Variants in CAMTA1 observed in about 807,000 individuals in gnomAD.
The protein encoded by CAMTA1 is calmodulin-binding transcription activator 1.
CAMTA1 carries 27 observed loss-of-function variants against 170.9 expected under a neutral mutation model. That is an observed-to-expected ratio of 0.16 (90% CI 0.12 to 0.22). The LOEUF is 0.22. CAMTA1 is among the 10% of genes least tolerant of loss of function. The probability of loss-of-function intolerance (pLI) is 1.00; values close to 1 mark genes in which losing one functional copy is unlikely to be tolerated. For missense variants in CAMTA1, 1,619 were observed against 2,217.2 expected (o/e 0.73, Z 5.42); for synonymous variants, 833 against 891.5 (o/e 0.93, Z 1.17).
chr1:7,575,171 G>C (rs1226813528), intron 6 of CAMTA1, among the ~76,000 whole-genome samples: 1 of 152,188 alleles, frequency 6.6e-6, no homozygotes, highest in Non-Finnish European at 1.5e-5. Flanking sequence ...GTACTCAATA[G>C]ATGTCAGCTG....
At chr1:7,754,970 A>G (rs2096921254) in intron 21 of CAMTA1, among the ~76,000 whole-genome samples, 1 of 152,124 alleles carries the variant, frequency 6.6e-6, no homozygotes. Context: ...GAGTTATTTA[A>G]TGTTATTTTA....
intron 6 of CAMTA1, among the ~76,000 whole-genome samples, chr1:7,628,507 C>T (rs1558024464): frequency 6.6e-6 from 1 of 152,226 alleles, no homozygotes; most frequent in East Asian, 1.9e-4. Context: ...AGCCACGTGG[C>T]CGTGAGCAGA....
chr1:6,788,871 G>T (rs868257886), intron 1 of CAMTA1, among the ~76,000 whole-genome samples: 1 of 152,184 alleles, frequency 6.6e-6, no homozygotes, highest in Non-Finnish European at 1.5e-5. Context: ...CGCCACAGAT[G>T]ATTGGAAATT....
rs946866610 is a variant in CAMTA1, at chr1:7,534,364, C to T, written c.510+66463C>T. Among the ~76,000 whole-genome samples the T allele has an allele frequency of 6.6e-6, 1 of 152,206 alleles. No homozygotes were observed. The highest frequency in any genetic ancestry group is 1.5e-5 in the Non-Finnish European group (1 of 68,036). ...TCTAGAAAGGGAGGAATTAAATCTT[C>T]CTGACACCCCGGGGCCACACGGGGA... On this transcript the variant is annotated intron_variant, in intron 6 of 22. Transcript: ENST00000303635. This position sits in a 1 kb window ranked among gnomAD's most constrained non-coding sequence, Gnocchi z 5.6.
intron 3 of CAMTA1, among the ~76,000 whole-genome samples, chr1:6,924,721 T>C (rs1682744732): frequency 6.6e-6 from 1 of 152,228 alleles, no homozygotes. Context: ...TTATAAACTT[T>C]AAAAAATGCG....
chr1:7,542,838 AGTGTGTGTGTGTGTGTGT>A (rs373719721), intron 6 of CAMTA1, among the ~76,000 whole-genome samples: 1 of 56,002 alleles, frequency 1.8e-5, no homozygotes, highest in Non-Finnish European at 4.0e-5. Flanking sequence ...CCTAAAACAC[AGTGTGTGTGTGTGTGTGT>A]GTGTGTGTGT....
intron 1 of CAMTA1, among the ~76,000 whole-genome samples, chr1:6,812,869 T>C (rs1645346395): frequency 6.6e-6 from 1 of 152,246 alleles, no homozygotes; most frequent in Admixed American, 6.5e-5. Flanking sequence ...TGTTTTGTAG[T>C]CTGTTCCAGC....
intron 10 of CAMTA1, among the ~76,000 whole-genome samples, chr1:7,676,063 C>T (rs894561868): frequency 7.9e-5 from 12 of 152,230 alleles, no homozygotes; most frequent in African/African-American, 2.9e-4. Context: ...CCAAGGCTGG[C>T]CCAAGGAGGC....
At chr1:7,247,165 T>C (rs1279139061) in intron 4 of CAMTA1, among the ~76,000 whole-genome samples, 1 of 152,230 alleles carries the variant, frequency 6.6e-6, no homozygotes, top group African/African-American at 2.4e-5. Context: ...AAAATGATGA[T>C]TCCATTTATT....
chr1:7,692,228 C>G (rs1294737251), intron 11 of CAMTA1, among the ~76,000 whole-genome samples: 1 of 152,194 alleles, frequency 6.6e-6, no homozygotes, highest in African/African-American at 2.4e-5. Context: ...CCTCTGCTAC[C>G]TCTTTATTGA....
intron 5 of CAMTA1, among the ~76,000 whole-genome samples, chr1:7,274,459 G>A (rs923209146): frequency 6.6e-6 from 1 of 152,194 alleles, no homozygotes; most frequent in South Asian, 2.1e-4. Flanking sequence ...ACATGCCAAA[G>A]TGACAGAATT....
chr1:6,785,616 G>A lies in CAMTA1; in HGVS notation c.45+41G>A, dbSNP rs924372573. 3.6e-5 allele frequency: 36 copies of A among 994,722 alleles called. 1 individual carries two copies. In the Admixed American group the frequency reaches 2.0e-3, roughly 56 times the overall value. 61.6% of individuals were successfully genotyped at this position (994,722 alleles called of 1,614,324 possible). The stretch of plus-strand genomic sequence containing the variant: ...CGAGGGGCTGGGGGGCGGCGCGGCG[G>A]GCGGCGGGACCCGGCCCCGCCGGAC... On this transcript the variant is annotated intron_variant, in intron 1 of 22. Coordinates refer to ENST00000303635, the MANE Select transcript of CAMTA1 (RefSeq NM_015215.4).
chr1:7,665,369 G>A lies in CAMTA1; in HGVS notation c.2652+170G>A, dbSNP rs1425231165. Reference sequence around the variant, plus strand: ...GTCCCCACGGCGCTTGAACACCTCCGTCTTTCACGCAGTGGTTCTCAAACT... The same window carrying A: ...GTCCCCACGGCGCTTGAACACCTCCATCTTTCACGCAGTGGTTCTCAAACT... On this transcript the variant is annotated intron_variant, in intron 9 of 22. Transcript: ENST00000303635. This position sits in a 1 kb window ranked among gnomAD's most constrained non-coding sequence, Gnocchi z 4.3. Among the ~76,000 whole-genome samples the A allele has an allele frequency of 6.6e-6, 1 of 152,170 alleles. No individual in the cohort carries two copies. Among genetic ancestry groups the A allele is most frequent in the African/African-American group, 2.4e-5 (1 of 41,434 alleles).
chr1:6,958,883 T>G (rs1315834667), intron 3 of CAMTA1, among the ~76,000 whole-genome samples: 3 of 152,210 alleles, frequency 2.0e-5, no homozygotes, highest in South Asian at 2.1e-4. Context: ...CAGTTATTAG[T>G]ATTCACGAAA....
intron 5 of CAMTA1, chr1:7,382,830 T>TGATAGATAGATTA (rs1553152160): frequency 1.3e-5 from 2 of 149,186 alleles, no homozygotes; most frequent in Non-Finnish European, 3.0e-5. Context: ...GCTTCCTAGA[T>TGATAGATAGATTA]GATAGATAGA....
chr1:7,683,624 C>T (rs1415788986), intron 11 of CAMTA1, among the ~76,000 whole-genome samples: 1 of 152,092 alleles, frequency 6.6e-6, no homozygotes, highest in Admixed American at 6.5e-5. Context: ...CTGGGTACTT[C>T]TGTGCATAGC....
chr1:7,330,776 C>T (rs1353599788), intron 5 of CAMTA1, among the ~76,000 whole-genome samples: 1 of 152,198 alleles, frequency 6.6e-6, no homozygotes, highest in South Asian at 2.1e-4. Context: ...TGTGTTGATT[C>T]TCTCTTTGAT....
Position 7,424,734 on chromosome 1 carries a change from G to A in CAMTA1, c.439-43096G>A, listed in dbSNP as rs559868970. Among the ~76,000 whole-genome samples, 22 of 152,244 alleles carry A rather than the reference G, an allele frequency of 1.4e-4. No homozygotes were observed. The South Asian group carries it at 3.1e-3, about 22-fold the overall frequency. On this transcript the variant is annotated intron_variant, in intron 5 of 22. Transcript: ENST00000303635. The stretch of plus-strand genomic sequence containing the variant: ...AAGGTGGCTTCAGAGACCCTGGAAC[G>A]TGGCCCAAAGCTGTCATGTTGCAGC...
At chr1:7,264,346 C>T (rs1215813521) in intron 5 of CAMTA1, among the ~76,000 whole-genome samples, 3 of 152,142 alleles carry the variant, frequency 2.0e-5, no homozygotes, top group African/African-American at 4.8e-5. Context: ...AAGTACCACA[C>T]ACAATGGAAG....
Sources: allele counts gnomAD v4.1 joint callset (sites outside exome capture counted in the v4.1 genomes callset), GRCh38; gene constraint gnomAD v4.1.1; non-coding constraint Gnocchi (gnomAD v3.1); transcripts MANE v1.5; gene names NCBI Gene and HGNC (gene_info 2026-07-23, HGNC 2026-07-21).